The following NPHS2 variants were observed in gnomAD, a reference collection of about 807,000 sequenced individuals.
NPHS2 encodes podocin.
In NPHS2, 36 loss-of-function variants were observed where a neutral mutation model predicts 37.1. The observed-to-expected ratio is 0.97, with a 90% CI of 0.74 to 1.28. The LOEUF is 1.28. Ranked by LOEUF, NPHS2 falls within the 50% of genes most tolerant of loss-of-function variation. The pLI is 0.00. For synonymous variants in NPHS2, 196 were observed against 189.3 expected (o/e 1.04, Z -0.29); for missense variants, 447 against 488.1 (o/e 0.92, Z 0.79).
intron 1 of NPHS2, among the ~76,000 whole-genome samples, chr1:179,566,974 A>G (rs1674357926): frequency 6.6e-6 from 1 of 150,754 alleles, no homozygotes; most frequent in Non-Finnish European, 1.5e-5. Context: ...GTAGCCTTGT[A>G]GTATAGTTTG....
chr1:179,575,179 C>G (rs1415156326), intron 1 of NPHS2, among the ~76,000 whole-genome samples: 1 of 152,068 alleles, frequency 6.6e-6, no homozygotes, highest in Admixed American at 6.5e-5. Flanking sequence ...TAGGTAAGAC[C>G]GAGGGGTGGG....
At chr1:179,566,630 G>A (rs1254473534) in intron 1 of NPHS2, among the ~76,000 whole-genome samples, 1 of 152,138 alleles carries the variant, frequency 6.6e-6, no homozygotes, top group Non-Finnish European at 1.5e-5. Context: ...TAGTCATGAA[G>A]TCCTTGTCCA....
chr1:179,565,594 T>C (rs1674303448), intron 1 of NPHS2, among the ~76,000 whole-genome samples: 1 of 152,252 alleles, frequency 6.6e-6, no homozygotes, highest in South Asian at 2.1e-4. Flanking sequence ...TTTTATACTT[T>C]AAGTTCTAGG....
In NPHS2 at chr1:179,570,371, A is replaced by G. The variant is rs558329718; in HGVS notation, c.274+5220T>C. Among the ~76,000 whole-genome samples, 423 of 152,324 alleles carry G rather than the reference A, an allele frequency of 2.8e-3. 3 individuals carry two copies. Among genetic ancestry groups the G allele is most frequent in the African/African-American group, 9.8e-3 (409 of 41,576 alleles). ...CAAGCCAGTCATTAGCATTGTTTCTATAGATATTAAATTAACTAAAAGTAT... is the reference window on the plus strand; with the variant it reads ...CAAGCCAGTCATTAGCATTGTTTCTGTAGATATTAAATTAACTAAAAGTAT... On this transcript the variant is annotated intron_variant, in intron 1 of 7. Coordinates refer to ENST00000367615, the MANE Select transcript of NPHS2 (RefSeq NM_014625.4).
At chr1:179,563,074 A>G (rs1411733596) in intron 2 of NPHS2, among the ~76,000 whole-genome samples, 2 of 152,338 alleles carry the variant, frequency 1.3e-5, no homozygotes, top group Non-Finnish European at 1.5e-5. Flanking sequence ...CACTGTCTAT[A>G]GGAGACACAC....
rs1673999738 is a variant in NPHS2, at chr1:179,557,996, C to T, written c.535-766G>A. 2.0e-5 allele frequency among the ~76,000 whole-genome samples: 3 copies of T among 151,972 alleles called. No individual in the cohort carries two copies. In the South Asian group the frequency reaches 6.2e-4, roughly 32 times the overall value. On this transcript the variant is annotated intron_variant, in intron 4 of 7. Transcript: ENST00000367615. ...ACTGAAAAATCTGAAAGGATATACTCCAAAATATCAACAGTTAACTATGGG... is the reference window on the plus strand; with the variant it reads ...ACTGAAAAATCTGAAAGGATATACTTCAAAATATCAACAGTTAACTATGGG...
rs1673943325 is a variant in NPHS2 at position 179,556,662 on chromosome 1, GCTC to G, written c.738+362_738+364del. On this transcript the variant is annotated intron_variant, in intron 5 of 7. Transcript: ENST00000367615. This position sits in a 1 kb window ranked among gnomAD's most constrained non-coding sequence, Gnocchi z 4.1. ...GCTTGTTTCCCCAGGTAGACAGTAA[GCTC>G]CTGGGAACCATGCTTTATCATCTTT... Among the ~76,000 whole-genome samples, 12 of 152,224 alleles carry G rather than the reference GCTC, an allele frequency of 7.9e-5. No individual in the cohort carries two copies. The South Asian group carries it at 2.5e-3, about 32-fold the overall frequency.
intron 6 of NPHS2, among the ~76,000 whole-genome samples, chr1:179,553,504 A>C (rs769169202): frequency 5.3e-5 from 8 of 152,248 alleles, no homozygotes; most frequent in Non-Finnish European, 1.2e-4. Flanking sequence ...AGCCAGACAC[A>C]AAAAGCCATA....
chr1:179,572,661 G>A (rs936504746), intron 1 of NPHS2, among the ~76,000 whole-genome samples: 2 of 152,144 alleles, frequency 1.3e-5, no homozygotes, highest in Non-Finnish European at 2.9e-5. Flanking sequence ...ACTTACTAAA[G>A]CAATATTATT....
rs866921812 is a variant in NPHS2, at chr1:179,551,327, T to C, written c.998A>G (p.Glu333Gly). ...YLHTLQSLST[E>G]KPSTVVLPLP... Reference sequence around the variant, plus strand: ...AGGTAAAACCACAGTGGAAGGCTTCTCTGTGGACAGAGACTGAAGGGTGTG... The same window carrying C: ...AGGTAAAACCACAGTGGAAGGCTTCCCTGTGGACAGAGACTGAAGGGTGTG... The change falls in exon 8 of 8, where the codon GAG (glutamate) becomes GGG (glycine). Residue 333 changes from glutamate (E) to glycine (G), a missense_variant. Glu to Gly is a moderately conservative substitution (Grantham distance 98). Transcript: ENST00000367615. 1.9e-6 allele frequency: 3 copies of C among 1,614,058 alleles called. No homozygotes were observed. Among genetic ancestry groups the C allele is most frequent in the African/African-American group, 1.3e-5 (1 of 74,928 alleles).
intron 4 of NPHS2, among the ~76,000 whole-genome samples, chr1:179,558,964 T>C (rs1485441053): frequency 6.6e-6 from 1 of 152,206 alleles, no homozygotes; most frequent in Non-Finnish European, 1.5e-5. Context: ...AGAATGTGTA[T>C]GTGTGTGTTT....
intron 1 of NPHS2, among the ~76,000 whole-genome samples, chr1:179,565,250 G>A (rs1674290494): frequency 6.6e-6 from 1 of 152,140 alleles, no homozygotes; most frequent in Non-Finnish European, 1.5e-5. Flanking sequence ...CTCCAGCCTG[G>A]GTGACAGAGC....
rs557735293 is a variant in NPHS2 at position 179,556,090 on chromosome 1, C to T, written c.738+937G>A. Among the ~76,000 whole-genome samples, 1 of 152,308 alleles carries T rather than the reference C, an allele frequency of 6.6e-6. No individual in the cohort carries two copies. Among genetic ancestry groups the T allele is most frequent in the African/African-American group, 2.4e-5 (1 of 41,562 alleles). Reference sequence around the variant, plus strand: ...TGCATATATATTATAATCAGTGTAACAAGGGCAAGCTTGAATGTCAAGTGT... The same window carrying T: ...TGCATATATATTATAATCAGTGTAATAAGGGCAAGCTTGAATGTCAAGTGT... On this transcript the variant is annotated intron_variant, in intron 5 of 7. Transcript: ENST00000367615. This position sits in a 1 kb window ranked among gnomAD's most constrained non-coding sequence, Gnocchi z 4.1.
At position 179,572,082 on chromosome 1, in the gene NPHS2, C is replaced by T. The variant is rs377563235; in HGVS notation, c.274+3509G>A. Among the ~76,000 whole-genome samples, 82 of 152,340 alleles carry T rather than the reference C, an allele frequency of 5.4e-4. 4 individuals are homozygous for T. In the South Asian group the frequency reaches 0.016, roughly 30 times the overall value. On this transcript the variant is annotated intron_variant, in intron 1 of 7. Transcript: ENST00000367615. ...CCCTCCATGGGCTGCACTCACTTTC[C>T]GACCAGTCCTGGTGAGGTGAACCAG...
At position 179,564,610 on chromosome 1, in the gene NPHS2, A is replaced by G. The variant is rs1033372356; in HGVS notation, c.378+80T>C. The G allele has an allele frequency of 2.5e-6, 3 of 1,205,878 alleles. No homozygotes were observed. In the South Asian group the frequency reaches 3.6e-5, roughly 15 times the overall value. 74.7% of individuals were successfully genotyped at this position (1,205,878 alleles called of 1,614,324 possible). ...CACATGGAGCAATAACATGTACCAG[A>G]AAACAGAAGTGAGAATGGGCATGGT... On this transcript the variant is annotated intron_variant, in intron 2 of 7. Coordinates refer to ENST00000367615, the MANE Select transcript of NPHS2 (RefSeq NM_014625.4).
At chr1:179,566,384 T>C (rs574357470) in intron 1 of NPHS2, among the ~76,000 whole-genome samples, 74 of 152,388 alleles carry the variant, frequency 4.9e-4, no homozygotes, top group African/African-American at 1.8e-3. Context: ...AAGTGTCTGT[T>C]CATATCCTTC....
Position 179,552,694 on chromosome 1 carries a change from G to T in NPHS2, c.795-13C>A, listed in dbSNP as rs1268652339. On this transcript the variant is annotated splice_polypyrimidine_tract_variant and intron_variant, in intron 6 of 7. Coordinates refer to ENST00000367615, the MANE Select transcript of NPHS2 (RefSeq NM_014625.4). Reference sequence around the variant, plus strand: ...CCTCACATCTTTACTGAAAAAGAAAGAATGCAGGTATGTAGGTGTGCAGCC... The same window carrying T: ...CCTCACATCTTTACTGAAAAAGAAATAATGCAGGTATGTAGGTGTGCAGCC... 6.2e-7 allele frequency: 1 copy of T among 1,609,024 alleles called. No homozygotes were observed. The highest frequency in any genetic ancestry group is 1.3e-5 in the African/African-American group (1 of 74,920).
At chr1:179,554,761 T>C (rs1303107251) in intron 5 of NPHS2, 7 of 601,588 alleles carry the variant, frequency 1.2e-5, no homozygotes, top group African/African-American at 1.9e-5. Flanking sequence ...TGAATAATGG[T>C]CCCCAAAGAT....
chr1:179,570,392 A>T (rs1421900736), intron 1 of NPHS2, among the ~76,000 whole-genome samples: 2 of 152,216 alleles, frequency 1.3e-5, no homozygotes, highest in African/African-American at 2.4e-5. Context: ...ATTAACTAAA[A>T]GTATCCCTTA....
Sources: gnomAD v4.1 joint callset for allele counts (sites outside exome capture counted in the v4.1 genomes callset) on GRCh38, gnomAD v4.1.1 for gene constraint, Gnocchi (gnomAD v3.1) non-coding constraint, MANE v1.5 for transcripts, NCBI Gene and HGNC (gene_info 2026-07-23, HGNC 2026-07-21) for gene names.